NUP98: variants seen among roughly 807,000 people sequenced by gnomAD.
NUP98 encodes the protein nuclear pore complex protein Nup98-Nup96.
In NUP98, 26 loss-of-function variants were observed where a neutral mutation model predicts 191.9. The observed-to-expected ratio is 0.14, with a 90% confidence interval of 0.10 to 0.19. The LOEUF (loss-of-function observed/expected upper bound fraction) is 0.19. NUP98 is among the 10% of genes least tolerant of loss of function. The probability of loss-of-function intolerance (pLI) is 1.00; values close to 1 mark genes in which losing one functional copy is unlikely to be tolerated. For missense variants in NUP98, 1,941 were observed against 2,178.8 expected (o/e 0.89, Z 2.17); for synonymous variants, 808 against 778.4 (o/e 1.04, Z -0.63).
intron 10 of NUP98, among the ~76,000 whole-genome samples, chr11:3,759,232 A>G (rs909145082): frequency 6.6e-6 from 1 of 152,224 alleles, no homozygotes; most frequent in Admixed American, 6.6e-5. Flanking sequence ...CTCGACAAAC[A>G]GAATAAACTT....
chr11:3,693,795 T>C (rs1390832190), intron 26 of NUP98, among the ~76,000 whole-genome samples: 1 of 152,224 alleles, frequency 6.6e-6, no homozygotes, highest in Non-Finnish European at 1.5e-5. Context: ...AGCTTTAAAA[T>C]GAGCATAAGT....
intron 11 of NUP98, among the ~76,000 whole-genome samples, chr11:3,746,230 T>C (rs1053377976): frequency 4.8e-5 from 6 of 125,684 alleles, no homozygotes; most frequent in East Asian, 2.4e-4. Flanking sequence ...GATCACGCCA[T>C]TGCACTCCAG....
intron 18 of NUP98, among the ~76,000 whole-genome samples, chr11:3,715,337 G>A (rs2079146212): frequency 6.6e-6 from 1 of 152,198 alleles, no homozygotes; most frequent in East Asian, 1.9e-4. Flanking sequence ...AGTAGAGACG[G>A]GGTTTTGCCA....
intron 1 of NUP98, among the ~76,000 whole-genome samples, chr11:3,786,098 A>T (rs964784058): frequency 7.2e-5 from 11 of 152,236 alleles, no homozygotes; most frequent in Non-Finnish European, 1.2e-4. Flanking sequence ...CTATTTTACA[A>T]GGAAGAAATT....
At chr11:3,744,386 T>C (rs896053494) in intron 12 of NUP98, 123 bp downstream of exon 12, 3 of 956,874 alleles carry the variant, frequency 3.1e-6, no homozygotes, top group Non-Finnish European at 4.5e-6. Context: ...TACTACCCAA[T>C]TGTTTAATGA....
chr11:3,700,626 G>C lies in NUP98; in HGVS notation c.3726C>G (p.Asp1242Glu). ...TGTACTCACTTTGTGCTTCTGGTAA[G>C]TCTCCTGATGCTTCTTTAACCCAAT... ...YADWVKEASG[D>E]LPEAQIVKHW... Residue 1242 changes from aspartate (D) to glutamate (E), a missense_variant, in exon 24 of 33, where the codon GAC becomes GAG. Transcript: ENST00000324932. 3.7e-6 allele frequency: 6 copies of C among 1,612,826 alleles called. No individual in the cohort carries two copies. Among genetic ancestry groups the C allele is most frequent in the Non-Finnish European group, 5.1e-6 (6 of 1,179,006 alleles).
At chr11:3,755,353 A>G (rs562262985) in intron 10 of NUP98, among the ~76,000 whole-genome samples, 3 of 151,968 alleles carry the variant, frequency 2.0e-5, no homozygotes, top group Non-Finnish European at 4.4e-5. Context: ...AATCCCAGCA[A>G]TTTGGGAGGC....
At chr11:3,685,598 A>G (rs898581742) in intron 29 of NUP98, among the ~76,000 whole-genome samples, 5 of 152,192 alleles carry the variant, frequency 3.3e-5, no homozygotes, top group Non-Finnish European at 5.9e-5. Context: ...CTATTGTCCC[A>G]TCTGGGCATA....
Position 3,791,748 on chromosome 11 carries a change from CAGG to C in NUP98, c.-29+5649_-29+5651del, listed in dbSNP as rs142439889. Among the ~76,000 whole-genome samples, 929 of 150,648 alleles carry C rather than the reference CAGG, an allele frequency of 6.2e-3. 9 individuals carry two copies. The highest frequency in any genetic ancestry group is 0.022 in the African/African-American group (880 of 40,924). ...ATCCCAGCTACTCAGGAGGCTGAGG[CAGG>C]AGAATTGCTTGAACCCAGGAGGCGA... On this transcript the variant is annotated intron_variant, in intron 1 of 32. Transcript: ENST00000324932.
chr11:3,700,168 A>G (rs1040491137), intron 24 of NUP98, among the ~76,000 whole-genome samples: 3 of 151,394 alleles, frequency 2.0e-5, no homozygotes, highest in African/African-American at 7.3e-5. Context: ...ATCCTGGCCA[A>G]TATGGTGAAA....
intron 1 of NUP98, among the ~76,000 whole-genome samples, chr11:3,787,811 G>A (rs1168911928): frequency 6.6e-6 from 1 of 151,988 alleles, no homozygotes; most frequent in Non-Finnish European, 1.5e-5. Flanking sequence ...GGCCAACATG[G>A]TGAAACCCCG....
At chr11:3,712,051 C>T in intron 20 of NUP98, 1 of 1,049,250 alleles carries the variant, frequency 9.5e-7, no homozygotes, top group Non-Finnish European at 1.2e-6. Context: ...CATTCCCAAA[C>T]TATTTTTCAT....
intron 23 of NUP98, among the ~76,000 whole-genome samples, chr11:3,701,727 C>G (rs973725760): frequency 6.6e-6 from 1 of 150,588 alleles, no homozygotes; most frequent in African/African-American, 2.4e-5. Context: ...ATTCAGTTGC[C>G]CAGGCTAGAG....
chr11:3,741,556 T>C (rs892701632), intron 12 of NUP98, among the ~76,000 whole-genome samples: 1 of 151,658 alleles, frequency 6.6e-6, no homozygotes, highest in African/African-American at 2.4e-5. Flanking sequence ...AGGAGGCGGA[T>C]ATAGAAGTGA....
rs565232317 is a variant in NUP98 at position 3,706,640 on chromosome 11, G to A, written c.2743-13C>T. ...CTGGGCTCTGGCTCTGTAGACAGCAGAAAGATCAGGAAAGCAGCATTAAAT... is the reference window on the plus strand; with the variant it reads ...CTGGGCTCTGGCTCTGTAGACAGCAAAAAGATCAGGAAAGCAGCATTAAAT... On this transcript the variant is annotated splice_polypyrimidine_tract_variant and intron_variant, in intron 20 of 32. Transcript: ENST00000324932. 8 of 1,608,134 alleles carry A rather than the reference G, an allele frequency of 5.0e-6. No homozygotes were observed. The highest frequency in any genetic ancestry group is 6.8e-6 in the Non-Finnish European group (8 of 1,176,934).
intron 1 of NUP98, among the ~76,000 whole-genome samples, chr11:3,791,906 G>A (rs940737133): frequency 2.4e-4 from 36 of 150,792 alleles, no homozygotes; most frequent in African/African-American, 8.0e-4. Context: ...TCGGCTGGGC[G>A]CAGCGGCTCA....
At position 3,760,646 on chromosome 11, in the gene NUP98, G is replaced by A. The variant is rs758508847; in HGVS notation, c.1087-20C>T. On this transcript the variant is annotated intron_variant, in intron 9 of 32. Transcript: ENST00000324932. ...CAGGGTCTAAAAAGAATAGAATACA[G>A]GAAAATTTAAAATAATATTAAGACA... 39 of 1,598,602 alleles carry A rather than the reference G, an allele frequency of 2.4e-5. No homozygotes were observed. Among genetic ancestry groups the A allele is most frequent in the Non-Finnish European group, 3.2e-5 (38 of 1,171,202 alleles).
intron 20 of NUP98, chr11:3,712,238 T>C: frequency 9.1e-7 from 1 of 1,104,936 alleles, no homozygotes; most frequent in Non-Finnish European, 1.1e-6. Flanking sequence ...CAGAATTTAC[T>C]GTGCATGAAC....
chr11:3,719,572 TA>T, intron 17 of NUP98, 22 bp from the exon 18 acceptor site: 1 of 1,510,354 alleles, frequency 6.6e-7, no homozygotes, highest in Non-Finnish European at 8.8e-7. Context: ...AGCAAATAGT[TA>T]AAAATTCATT....
Sources: gnomAD v4.1 joint callset for allele counts (sites outside exome capture counted in the v4.1 genomes callset) on GRCh38, gnomAD v4.1.1 for gene constraint, MANE v1.5 for transcripts, NCBI Gene and HGNC (gene_info 2026-07-23, HGNC 2026-07-21) for gene names.